HERC6: variants seen among roughly 807,000 people sequenced by gnomAD.
HERC6 encodes the protein probable E3 ubiquitin-protein ligase HERC6.
A neutral mutation model predicts 114.5 loss-of-function variants in HERC6; 101 were observed. That is an observed-to-expected ratio of 0.88 (90% CI 0.75 to 1.04). The LOEUF is 1.04. HERC6 is among the 50% of genes least tolerant of loss of function. The pLI is 0.00. For missense variants in HERC6, 1,133 were observed against 1,230.9 expected (o/e 0.92, Z 1.19); for synonymous variants, 408 against 436.2 (o/e 0.94, Z 0.81).
At chr4:88,414,389 C>A (rs1236061024) in intron 12 of HERC6, among the ~76,000 whole-genome samples, 1 of 151,894 alleles carries the variant, frequency 6.6e-6, no homozygotes, top group East Asian at 1.9e-4. Flanking sequence ...GCAGGAGGAT[C>A]ACTTGAGCCC....
chr4:88,429,937 C>T (rs557078937), intron 16 of HERC6, among the ~76,000 whole-genome samples: 2 of 152,230 alleles, frequency 1.3e-5, no homozygotes, highest in South Asian at 4.1e-4. Context: ...TGAACAAGGG[C>T]AAGGTTGTCA....
chr4:88,415,780 A>C (rs1227965813), intron 12 of HERC6, among the ~76,000 whole-genome samples: 4 of 152,242 alleles, frequency 2.6e-5, no homozygotes, highest in Admixed American at 1.3e-4. Context: ...GCACAGTAAC[A>C]GACCAATACA....
intron 1 of HERC6, 31 bp from the exon 2 acceptor site, chr4:88,383,190 G>A (rs530218976): frequency 6.2e-7 from 1 of 1,600,720 alleles, no homozygotes; most frequent in Non-Finnish European, 8.5e-7. Flanking sequence ...TGCAGTGGTG[G>A]TTGGGGGGTG....
chr4:88,396,765 T>G (rs1484947355), intron 6 of HERC6, 86 bp from the exon 7 acceptor site: 5 of 1,266,470 alleles, frequency 3.9e-6, no homozygotes, highest in Admixed American at 5.6e-5. Flanking sequence ...GCTTTTTGTG[T>G]TTGTTATTTT....
rs557466282 is a variant in HERC6 at position 88,388,459 on chromosome 4, G to A, written c.437-2193G>A. ...CTAGCTACTTGGGAGACTGAGGCAGGAGAATCACTTGATCCTGGGAGGCAG... is the reference window on the plus strand; with the variant it reads ...CTAGCTACTTGGGAGACTGAGGCAGAAGAATCACTTGATCCTGGGAGGCAG... On this transcript the variant is annotated intron_variant, in intron 3 of 22. Transcript: ENST00000264346. Among the ~76,000 whole-genome samples, 80 of 151,332 alleles carry A rather than the reference G, an allele frequency of 5.3e-4. 2 individuals carry two copies. The South Asian group carries it at 0.017, about 31-fold the overall frequency.
At chr4:88,401,247 C>A (rs1473817365) in intron 8 of HERC6, among the ~76,000 whole-genome samples, 1 of 152,044 alleles carries the variant, frequency 6.6e-6, no homozygotes, top group Non-Finnish European at 1.5e-5. Flanking sequence ...GTAATCCCAG[C>A]ACTTTGGGAG....
chr4:88,428,399 C>T (rs1737843977), intron 15 of HERC6, among the ~76,000 whole-genome samples, 181 bp from the exon 16 acceptor site: 1 of 152,180 alleles, frequency 6.6e-6, no homozygotes, highest in African/African-American at 2.4e-5. Flanking sequence ...GTCCTACAAT[C>T]ACTCCACCTT....
chr4:88,430,846 G>C (rs887688256), intron 16 of HERC6, among the ~76,000 whole-genome samples: 1 of 152,100 alleles, frequency 6.6e-6, no homozygotes, highest in African/African-American at 2.4e-5. Context: ...AGGGGCCCAC[G>C]GGTTTGAAGA....
intron 8 of HERC6, among the ~76,000 whole-genome samples, chr4:88,401,543 A>C (rs1735546655): frequency 6.6e-6 from 1 of 152,070 alleles, no homozygotes; most frequent in Non-Finnish European, 1.5e-5. Context: ...TAATTGCAGA[A>C]GCAATGTCTG....
At chr4:88,440,495 A>T in intron 22 of HERC6, 2 of 420,532 alleles carry the variant, frequency 4.8e-6, no homozygotes, top group Middle Eastern at 6.2e-4. Context: ...TGAGTTGCTG[A>T]TCTGTGGTGA....
At chr4:88,389,229 A>T (rs1734764832) in intron 3 of HERC6, among the ~76,000 whole-genome samples, 2 of 151,944 alleles carry the variant, frequency 1.3e-5, no homozygotes, top group African/African-American at 4.8e-5. Flanking sequence ...GGGGGAGATG[A>T]AGTCCGGGAA....
At chr4:88,408,744 A>C in intron 11 of HERC6, 127 bp downstream of exon 11, 1 of 674,850 alleles carries the variant, frequency 1.5e-6, no homozygotes, top group Non-Finnish European at 2.6e-6. Context: ...CTGCAGAAAC[A>C]AAAATCGACC....
intron 9 of HERC6, 103 bp downstream of exon 9, chr4:88,405,100 A>G: frequency 7.1e-7 from 1 of 1,407,078 alleles, no homozygotes; most frequent in Non-Finnish European, 9.6e-7. Flanking sequence ...AGGTATTTGC[A>G]TTTTGACCAT....
Position 88,413,129 on chromosome 4 carries a change from C to A in HERC6, c.1421C>A (p.Pro474Gln), listed in dbSNP as rs777992001. The part of the protein sequence containing the change: ...DLLRALPCHS[P>Q]HQEALSVFLL... ...CTCAGAGCTCTTCCATGCCATTCTC[C>A]ACACCAAGAAGCTTTATCAGTTTTC... Residue 474 changes from proline to glutamine, a missense_variant, in exon 12 of 23, where the codon CCA (proline) becomes CAA (glutamine). Coordinates refer to ENST00000264346, the MANE Select transcript of HERC6 (RefSeq NM_017912.4). 6.2e-7 allele frequency: 1 copy of A among 1,613,498 alleles called. No individual in the cohort carries two copies. Among genetic ancestry groups the A allele is most frequent in the African/African-American group, 1.3e-5 (1 of 74,994 alleles).
At chr4:88,414,068 G>C (rs1279312363) in intron 12 of HERC6, among the ~76,000 whole-genome samples, 1 of 152,128 alleles carries the variant, frequency 6.6e-6, no homozygotes, top group Non-Finnish European at 1.5e-5. Context: ...GGGAGTGTCA[G>C]AGAAAAGCCT....
chr4:88,393,267 A>G (rs1033062385), intron 4 of HERC6, among the ~76,000 whole-genome samples: 48 of 152,196 alleles, frequency 3.2e-4, no homozygotes, highest in African/African-American at 1.0e-3. Context: ...TTAATGAATT[A>G]TAAAAATAAG....
intron 22 of HERC6, among the ~76,000 whole-genome samples, chr4:88,441,654 T>C (rs1400890796): frequency 6.6e-6 from 1 of 152,244 alleles, no homozygotes; most frequent in Non-Finnish European, 1.5e-5. Flanking sequence ...TTCTTCTTGA[T>C]ATTTTTGTTG....
At chr4:88,402,777 T>C (rs541536210) in intron 8 of HERC6, among the ~76,000 whole-genome samples, 1 of 152,152 alleles carries the variant, frequency 6.6e-6, no homozygotes, top group African/African-American at 2.4e-5. Flanking sequence ...TGGGAGGAGC[T>C]AGGGATTTTG....
Position 88,393,595 on chromosome 4 carries a change from G to C in HERC6, c.759+13G>C, listed in dbSNP as rs1447682116. On this transcript the variant is annotated intron_variant, in intron 5 of 22. Transcript: ENST00000264346. The stretch of plus-strand genomic sequence containing the variant: ...GGTGCTTACCCAGGTAATCCAAAAC[G>C]TGTTGCTATTTTTTTGAGTTCCAGA... The C allele has an allele frequency of 6.4e-7, 1 of 1,566,108 alleles. No individual in the cohort carries two copies. The highest frequency in any genetic ancestry group is 8.8e-7 in the Non-Finnish European group (1 of 1,140,062).
Sources: gnomAD v4.1 joint callset for allele counts (sites outside exome capture counted in the v4.1 genomes callset) on GRCh38, gnomAD v4.1.1 for gene constraint, MANE v1.5 for transcripts, NCBI Gene and HGNC (gene_info 2026-07-23, HGNC 2026-07-21) for gene names.